The following ERI1 variants were observed in gnomAD, a reference collection of about 807,000 sequenced individuals.
The protein encoded by ERI1 is exoribonuclease 1.
ERI1 carries 39 observed loss-of-function variants against 39.7 expected under a neutral mutation model. The observed-to-expected ratio is 0.98, with a 90% CI of 0.76 to 1.28. ERI1 has a LOEUF of 1.28. Among genes scored for constraint, ERI1 ranks in the 50% most tolerant of loss-of-function variants. The pLI is 0.00. For synonymous variants in ERI1, 204 were observed against 149.6 expected, an observed-to-expected ratio of 1.36 and a Z score of -2.65; for missense variants, 581 against 416.9, an observed-to-expected ratio of 1.39 and a Z score of -3.43.
intron 6 of ERI1, among the ~76,000 whole-genome samples, chr8:9,029,182 A>G (rs1356385670): frequency 1.3e-5 from 2 of 152,148 alleles, no homozygotes; most frequent in African/African-American, 4.8e-5. Context: ...TTAAAAATAA[A>G]AAGGTAGATC....
At chr8:9,004,229 C>T in intron 1 of ERI1, 3 of 1,252,356 alleles carry the variant, frequency 2.4e-6, no homozygotes, top group Admixed American at 2.5e-5. Flanking sequence ...CACATCCCTT[C>T]TCTTGTAAAG....
At chr8:9,084,942 C>T (rs1799479268) in intron 3 of ERI1, among the ~76,000 whole-genome samples, 1 of 152,130 alleles carries the variant, frequency 6.6e-6, no homozygotes, top group Admixed American at 6.5e-5. Context: ...TATGGGACCA[C>T]CTTATAGCAG....
chr8:9,022,008 A>C (rs1469492790), intron 6 of ERI1, among the ~76,000 whole-genome samples: 1 of 151,190 alleles, frequency 6.6e-6, no homozygotes, highest in Non-Finnish European at 1.5e-5. Context: ...TCTAAGAAAA[A>C]CCTAAGAGTG....
downstream of ERI1, among the ~76,000 whole-genome samples, chr8:9,036,458 T>C (rs934520276): frequency 1.3e-5 from 2 of 152,220 alleles, no homozygotes; most frequent in Non-Finnish European, 2.9e-5. Flanking sequence ...TGTTACCTTT[T>C]TCTAGAAATT....
intron 6 of ERI1, among the ~76,000 whole-genome samples, chr8:9,026,329 A>G (rs949588879): frequency 6.6e-6 from 1 of 152,162 alleles, no homozygotes; most frequent in Non-Finnish European, 1.5e-5. Context: ...TTGCACAACC[A>G]TCACCACATC....
Position 9,032,011 on chromosome 8 carries a change from ACCT to A in ERI1, c.*1981_*1983del, listed in dbSNP as rs1391102980. ...GACCTCAAGTGATTTGCCCACCTTG[ACCT>A]CCTACAGACGTGAGCCACTGCGCTC... On this transcript the variant is annotated 3_prime_UTR_variant, in exon 7 of 7. Transcript: ENST00000250263. The A allele has an allele frequency of 6.6e-6, 1 of 151,720 alleles. No homozygotes were observed. Among genetic ancestry groups the A allele is most frequent in the African/African-American group, 2.4e-5 (1 of 41,220 alleles). The allele number at this position is 151,720 out of a possible 1,614,324, so 9.4% of individuals were successfully genotyped here.
rs934616310 is a variant in ERI1, at chr8:9,011,888, A to C, written c.498+136A>C. On this transcript the variant is annotated intron_variant, in intron 3 of 6. Coordinates refer to ENST00000250263, the MANE Select transcript of ERI1 (RefSeq NM_153332.4). ...AAGTTTTTTCTTTGCCATGAACTTTATATCAGCTTGATTAATAGAAAAGCT... is the reference window on the plus strand; with the variant it reads ...AAGTTTTTTCTTTGCCATGAACTTTCTATCAGCTTGATTAATAGAAAAGCT... 3 of 578,422 alleles carry C rather than the reference A, an allele frequency of 5.2e-6. No homozygotes were observed. In the African/African-American group the frequency reaches 5.6e-5, roughly 11 times the overall value. 35.8% of individuals were successfully genotyped at this position (578,422 alleles called of 1,614,324 possible).
rs1371722837 is a variant in ERI1, at chr8:9,030,928, A to G, written c.*894A>G. On this transcript the variant is annotated 3_prime_UTR_variant, in exon 7 of 7. Transcript: ENST00000250263. ...CATATATTACGTTTTTGTTATTAAAAAACTTCATTGGCCACTAGTGAAGTT... is the reference window on the plus strand; with the variant it reads ...CATATATTACGTTTTTGTTATTAAAGAACTTCATTGGCCACTAGTGAAGTT... 1 of 152,166 alleles carries G rather than the reference A, an allele frequency of 6.6e-6. No individual in the cohort carries two copies. Among genetic ancestry groups the G allele is most frequent in the Non-Finnish European group, 1.5e-5 (1 of 68,010 alleles). The allele number at this position is 152,166 out of a possible 1,614,324, so 9.4% of individuals were successfully genotyped here.
chr8:9,023,560 A>G (rs942910306), intron 6 of ERI1, among the ~76,000 whole-genome samples: 1 of 151,900 alleles, frequency 6.6e-6, no homozygotes, highest in Non-Finnish European at 1.5e-5. Flanking sequence ...GCACCTGTTT[A>G]TTTTGGCCAG....
chr8:9,037,218 A>G (rs557823879), downstream of ERI1, among the ~76,000 whole-genome samples: 7 of 152,120 alleles, frequency 4.6e-5, no homozygotes, highest in Admixed American at 1.3e-4. Context: ...CTGTCTGCCA[A>G]CTTTTACAGT....
chr8:9,086,512 G>A (rs868440187), intron 3 of ERI1, among the ~76,000 whole-genome samples: 14 of 152,132 alleles, frequency 9.2e-5, no homozygotes, highest in Non-Finnish European at 1.5e-4. Flanking sequence ...ATCACGCCAC[G>A]TCACTCCAGC....
intron 6 of ERI1, among the ~76,000 whole-genome samples, chr8:9,023,053 T>C (rs1353565134): frequency 6.6e-6 from 1 of 152,204 alleles, no homozygotes; most frequent in Admixed American, 6.5e-5. Context: ...CTTTTACCTT[T>C]TGTGTGTTGA....
chr8:9,079,047 G>A (rs1041505176), intron 3 of ERI1, among the ~76,000 whole-genome samples: 1 of 152,182 alleles, frequency 6.6e-6, no homozygotes, highest in Non-Finnish European at 1.5e-5. Flanking sequence ...GAAGCTTTGA[G>A]TGGAGAAGGC....
rs758835506 is a variant in ERI1, at chr8:9,015,722, C to CAAAAAAAAAAAAAAAAA, written c.499-597_499-581dup. 1.4e-4 allele frequency among the ~76,000 whole-genome samples: 8 copies of CAAAAAAAAAAAAAAAAA among 56,582 alleles called. 1 individual carries two copies. The highest frequency in any genetic ancestry group is 5.7e-4 in the African/African-American group (7 of 12,270). The allele number at this position is 56,582 out of a possible 152,430, so 37.1% of individuals were successfully genotyped here. ...GGGAGACAGAGCGAGACTCTGTCTCCAAAAAAAAAAAAAAAAAAAGAGACC... is the reference window on the plus strand; with the variant it reads ...GGGAGACAGAGCGAGACTCTGTCTCCAAAAAAAAAAAAAAAAAAAAAAAAAAAAAAAAAAAAGAGACC... On this transcript the variant is annotated intron_variant, in intron 3 of 6. Transcript: ENST00000250263.
intron 3 of ERI1, among the ~76,000 whole-genome samples, chr8:9,015,684 T>C (rs1261467815): frequency 8.3e-6 from 1 of 121,084 alleles, no homozygotes; most frequent in African/African-American, 3.4e-5. Context: ...ATTGTGGCAG[T>C]GCACTCCAGC....
Position 9,050,735 on chromosome 8 carries a change from G to A in ERI1, n.299+30271G>A, listed in dbSNP as rs1274674435. On this transcript the variant is annotated intron_variant and non_coding_transcript_variant, in intron 3 of 3. Coordinates refer to the ERI1 transcript ENST00000518663. ...GAAGGAATGGAGAAGCCTGGATTCC[G>A]GTCTCAGCTTCAGGACTTGTTAGCT... Among the ~76,000 whole-genome samples, 20 of 152,092 alleles carry A rather than the reference G, an allele frequency of 1.3e-4. 1 individual carries two copies. Among genetic ancestry groups the A allele is most frequent in the Admixed American group, 8.5e-4 (13 of 15,270 alleles).
At chr8:9,061,087 T>C (rs1025618125) in intron 3 of ERI1, among the ~76,000 whole-genome samples, 2 of 152,178 alleles carry the variant, frequency 1.3e-5, no homozygotes, top group Non-Finnish European at 2.9e-5. Context: ...TCAGAGGTAA[T>C]GGAGGGGAGC....
chr8:9,030,176 A>G lies in ERI1; in HGVS notation c.*142A>G, dbSNP rs1797487159. ...TATTACAGGTGATAGAGATAGATAC[A>G]TGTATGTGAACAGATTTTGTAGGAA... On this transcript the variant is annotated 3_prime_UTR_variant, in exon 7 of 7. Transcript: ENST00000250263. 1.3e-5 allele frequency: 14 copies of G among 1,107,810 alleles called. No individual in the cohort carries two copies. The highest frequency in any genetic ancestry group is 1.6e-5 in the Non-Finnish European group (13 of 794,626). 68.6% of individuals were successfully genotyped at this position (1,107,810 alleles called of 1,614,324 possible). A position where few individuals can be genotyped will look rare whatever the true frequency, so the allele number is the denominator to read the frequency against.
chr8:9,003,686 A>T (rs1052268493), intron 1 of ERI1, among the ~76,000 whole-genome samples: 1 of 152,122 alleles, frequency 6.6e-6, no homozygotes, highest in African/African-American at 2.4e-5. Context: ...ATAGTATAAG[A>T]TTGAATGAAT....
Sources: gnomAD v4.1 joint callset for allele counts (sites outside exome capture counted in the v4.1 genomes callset) on GRCh38, gnomAD v4.1.1 for gene constraint, MANE v1.5 for transcripts, NCBI Gene and HGNC (gene_info 2026-07-23, HGNC 2026-07-21) for gene names.